The following UGT1A9 variants were observed in gnomAD, a reference collection of about 807,000 sequenced individuals.
UGT1A9 encodes the protein UDP-glucuronosyltransferase 1A9.
UGT1A9 carries 35 observed loss-of-function variants against 45.0 expected under a neutral mutation model. The ratio of observed to expected loss-of-function variants is 0.78; its 90% CI spans 0.59 to 1.03. UGT1A9 has a LOEUF of 1.03. Among genes scored for constraint, UGT1A9 ranks in the 50% least tolerant of loss-of-function variants. The pLI, the probability that UGT1A9 is intolerant of heterozygous loss-of-function variation, is 0.00. For missense variants in UGT1A9, 687 were observed against 666.6 expected (o/e 1.03, Z -0.34); for synonymous variants, 278 against 250.6 (o/e 1.11, Z -1.03).
chr2:233,682,927 C>T (rs2074607271), intron 1 of UGT1A9: 1 of 1,459,984 alleles, frequency 6.8e-7, no homozygotes, highest in Non-Finnish European at 9.0e-7. Flanking sequence ...TCTTTTGTAC[C>T]AATTCACTTA....
intron 1 of UGT1A9, chr2:233,693,205 G>C (rs764136609): frequency 1.9e-6 from 3 of 1,614,010 alleles, no homozygotes; most frequent in African/African-American, 1.3e-5. Flanking sequence ...ATTTGCTTTT[G>C]AAAGAATCCA....
Position 233,682,770 on chromosome 2 carries a change from A to T in UGT1A9, c.855+9981A>T, listed in dbSNP as rs532150245. 39 of 1,613,604 alleles carry T rather than the reference A, an allele frequency of 2.4e-5. 1 individual carries two copies. The South Asian group carries it at 4.0e-4, about 16-fold the overall frequency. The stretch of plus-strand genomic sequence containing the variant: ...ATCTTCATTGGTGGTATCAACTGTC[A>T]TCAGGGAAAGCCAGTGCCTATGGTA... On this transcript the variant is annotated intron_variant, in intron 1 of 4. Transcript: ENST00000354728.
chr2:233,768,183 A>T (rs753962326), intron 3 of UGT1A9, 37 bp from the exon 4 acceptor site: 2 of 1,614,004 alleles, frequency 1.2e-6, no homozygotes, highest in Admixed American at 3.3e-5. Context: ...AAACTCAGAG[A>T]TGTAACTGCT....
intron 1 of UGT1A9, among the ~76,000 whole-genome samples, chr2:233,711,721 C>T (rs1314393643): frequency 6.6e-6 from 1 of 152,208 alleles, no homozygotes; most frequent in East Asian, 1.9e-4. Context: ...GCCTCAGCTT[C>T]ACCAGCAATG....
chr2:233,710,376 T>C (rs538501974), intron 1 of UGT1A9, among the ~76,000 whole-genome samples: 1 of 152,360 alleles, frequency 6.6e-6, no homozygotes, highest in South Asian at 2.1e-4. Flanking sequence ...TTTACATTCC[T>C]AACAGCAACG....
chr2:233,719,640 G>T lies in UGT1A9; in HGVS notation c.855+46851G>T, dbSNP rs560127147. ...CCCCAGGCCGATCATGCCCAACATG[G>T]TCTTCATTGGGGGCATCAACTGTGC... On this transcript the variant is annotated intron_variant, in intron 1 of 4. Transcript: ENST00000354728. 1.8e-5 allele frequency: 29 copies of T among 1,614,046 alleles called. 1 individual carries two copies. The East Asian group carries it at 2.0e-4, about 11-fold the overall frequency.
In UGT1A9 at chr2:233,754,812, C is replaced by A. The variant is rs570173329; in HGVS notation, c.856-12222C>A. 401 of 1,317,492 alleles carry A rather than the reference C, an allele frequency of 3.0e-4. 1 individual carries two copies. Among genetic ancestry groups the A allele is most frequent in the Non-Finnish European group, 3.4e-4 (334 of 983,548 alleles). 81.6% of individuals were successfully genotyped at this position (1,317,492 alleles called of 1,614,324 possible). On this transcript the variant is annotated intron_variant, in intron 1 of 4. Transcript: ENST00000354728. ...AAATCCTGTATCAAAAGAAGAAAAA[C>A]CACCCTCAAAAGCTGGAAATTCACT...
chr2:233,745,880 T>G (rs1172718877), intron 1 of UGT1A9, among the ~76,000 whole-genome samples: 2 of 151,190 alleles, frequency 1.3e-5, no homozygotes, highest in Non-Finnish European at 2.9e-5. Context: ...TCCAGAAGTG[T>G]TGGTGGGGTG....
chr2:233,703,454 C>T (rs1254325924), intron 1 of UGT1A9, among the ~76,000 whole-genome samples: 1 of 151,444 alleles, frequency 6.6e-6, no homozygotes, highest in Non-Finnish European at 1.5e-5. Flanking sequence ...GTTAATTTCC[C>T]CTCTATTCTT....
Position 233,772,833 on chromosome 2 carries a change from T to G in UGT1A9, c.*274T>G. 1.1e-6 allele frequency: 1 copy of G among 879,514 alleles called. No individual in the cohort carries two copies. Among genetic ancestry groups the G allele is most frequent in the Non-Finnish European group, 1.6e-6 (1 of 630,666 alleles). 54.5% of individuals were successfully genotyped at this position (879,514 alleles called of 1,614,324 possible). A position where few individuals can be genotyped will look rare whatever the true frequency, so the allele number is the denominator to read the frequency against. ...AGGACGTGCAGACAGGCTGGCATTCTAGATTACTTTTCTTACTCTGAAACA... is the reference window on the plus strand; with the variant it reads ...AGGACGTGCAGACAGGCTGGCATTCGAGATTACTTTTCTTACTCTGAAACA... On this transcript the variant is annotated 3_prime_UTR_variant, in exon 5 of 5. Transcript: ENST00000354728.
At chr2:233,704,135 C>T (rs2075769183) in intron 1 of UGT1A9, among the ~76,000 whole-genome samples, 1 of 152,108 alleles carries the variant, frequency 6.6e-6, no homozygotes, top group Non-Finnish European at 1.5e-5. Flanking sequence ...AAGTGATCCA[C>T]CCGCCTCAGC....
chr2:233,748,148 C>A, intron 1 of UGT1A9: 1 of 1,604,918 alleles, frequency 6.2e-7, no homozygotes, highest in Non-Finnish European at 8.5e-7. Context: ...TATTTACTTA[C>A]AATTGCTTCC....
rs764097812 is a variant in UGT1A9 at position 233,719,154 on chromosome 2, A to G, written c.855+46365A>G. 40 of 1,614,150 alleles carry G rather than the reference A, an allele frequency of 2.5e-5. No homozygotes were observed. Among genetic ancestry groups the G allele is most frequent in the Non-Finnish European group, 3.1e-5 (37 of 1,180,060 alleles). On this transcript the variant is annotated intron_variant, in intron 1 of 4. Transcript: ENST00000354728. ...AGAACATCTTCTGAAGAGATATTCT[A>G]GAAGTATGGCAATTATGAACAATGT...
chr2:233,744,270 A>G (rs1372853090), intron 1 of UGT1A9, among the ~76,000 whole-genome samples: 1 of 151,776 alleles, frequency 6.6e-6, no homozygotes, highest in Non-Finnish European at 1.5e-5. Flanking sequence ...TTCTTAAAGT[A>G]GGCTTTATAT....
intron 1 of UGT1A9, among the ~76,000 whole-genome samples, chr2:233,736,317 G>T (rs2078750401): frequency 6.6e-6 from 1 of 152,044 alleles, no homozygotes; most frequent in African/African-American, 2.4e-5. Flanking sequence ...ATTGAATTTT[G>T]TGCATGTGTT....
intron 1 of UGT1A9, among the ~76,000 whole-genome samples, chr2:233,739,476 A>T (rs913646200): frequency 6.6e-6 from 1 of 152,224 alleles, no homozygotes; most frequent in African/African-American, 2.4e-5. Flanking sequence ...AGACCGTGGG[A>T]GCCCATTTCT....
intron 3 of UGT1A9, 72 bp downstream of exon 3, chr2:233,768,008 C>A (rs1699546066): frequency 1.9e-6 from 3 of 1,613,978 alleles, no homozygotes; most frequent in Admixed American, 1.7e-5. Context: ...CACAGCTATT[C>A]TAAAGGATTG....
intron 1 of UGT1A9, among the ~76,000 whole-genome samples, chr2:233,697,719 TTCTC>T (rs1575461690): frequency 6.6e-6 from 1 of 152,276 alleles, no homozygotes; most frequent in East Asian, 1.9e-4. Flanking sequence ...TGTTAAAAAC[TTCTC>T]TCTTAGTTCT....
rs1421333211 is a variant in UGT1A9, at chr2:233,745,618, A to T, written c.856-21416A>T. Among the ~76,000 whole-genome samples, 6 of 151,724 alleles carry T rather than the reference A, an allele frequency of 4.0e-5. No individual in the cohort carries two copies. The East Asian group carries it at 1.2e-3, about 29-fold the overall frequency. ...CTTGGCACTTGGTAAGCACACAATG[A>T]ACAGTCATAGAAAGCTGGCCGAGGG... On this transcript the variant is annotated intron_variant, in intron 1 of 4. Coordinates refer to ENST00000354728, the MANE Select transcript of UGT1A9 (RefSeq NM_021027.3).
Sources: gnomAD v4.1 joint callset for allele counts (sites outside exome capture counted in the v4.1 genomes callset) on GRCh38, gnomAD v4.1.1 for gene constraint, MANE v1.5 for transcripts, NCBI Gene and HGNC (gene_info 2026-07-23, HGNC 2026-07-21) for gene names.